The following MTFR1 variants were observed in gnomAD, a reference collection of about 807,000 sequenced individuals.
MTFR1 encodes the protein chondrocyte protein with a poly-proline region.
In MTFR1, 28 loss-of-function variants were observed where a neutral mutation model predicts 38.8. That is an observed-to-expected ratio of 0.72 (90% confidence interval 0.53 to 0.99). The LOEUF is 0.99. Among genes scored for constraint, MTFR1 ranks in the 50% least tolerant of loss-of-function variants. The pLI, the probability that MTFR1 is intolerant of heterozygous loss-of-function variation, is 0.00. For missense variants in MTFR1, 358 were observed against 395.5 expected (o/e 0.91, Z 0.81); for synonymous variants, 145 against 137.0 (o/e 1.06, Z -0.41).
In MTFR1 at chr8:65,731,852, C is replaced by A. The variant is rs565035886; in HGVS notation, c.*48+12371C>A. On this transcript the variant is annotated intron_variant, in intron 3 of 3. Transcript: ENST00000521247. Reference sequence around the variant, plus strand: ...TACTTAAGTCTATTTACTATTCCCTCTGTACTTGGACTTTCTTATGGCTGA... The same window carrying A: ...TACTTAAGTCTATTTACTATTCCCTATGTACTTGGACTTTCTTATGGCTGA... Among the ~76,000 whole-genome samples the A allele has an allele frequency of 3.9e-5, 6 of 152,270 alleles. No individual in the cohort carries two copies. In the East Asian group the frequency reaches 9.6e-4, roughly 24 times the overall value.
chr8:65,694,255 A>C (rs559289470), intron 4 of MTFR1, among the ~76,000 whole-genome samples: 223 of 151,810 alleles, frequency 1.5e-3, no homozygotes, highest in African/African-American at 5.2e-3. Flanking sequence ...TTGTATTTTT[A>C]GTAGAGATGG....
At chr8:65,719,066 A>G (rs1806265122) in intron 2 of MTFR1, 1 of 562,100 alleles carries the variant, frequency 1.8e-6, no homozygotes, top group East Asian at 2.9e-5. Flanking sequence ...TGCATATTCA[A>G]GGTTTCACAT....
At chr8:65,757,407 T>C (rs1808282774) in intron 3 of MTFR1, among the ~76,000 whole-genome samples, 1 of 152,160 alleles carries the variant, frequency 6.6e-6, no homozygotes, top group Admixed American at 6.5e-5. Context: ...ATATACATAA[T>C]TATTAATAAC....
At chr8:65,701,028 C>T (rs1301289227) in intron 4 of MTFR1, among the ~76,000 whole-genome samples, 1 of 152,172 alleles carries the variant, frequency 6.6e-6, no homozygotes, top group Non-Finnish European at 1.5e-5. Context: ...AGAGGAATGC[C>T]TACGTGACTA....
intron 1 of MTFR1, among the ~76,000 whole-genome samples, chr8:65,662,823 C>G (rs1438403649): frequency 1.3e-5 from 2 of 151,270 alleles, no homozygotes; most frequent in Admixed American, 6.6e-5. Context: ...GGGTCAGCCC[C>G]CCGCCCGGCC....
chr8:65,652,476 C>T (rs1809150130), intron 1 of MTFR1, among the ~76,000 whole-genome samples: 1 of 152,260 alleles, frequency 6.6e-6, no homozygotes, highest in African/African-American at 2.4e-5. Flanking sequence ...TCAAGTGATC[C>T]TCCTGCTTTG....
intron 1 of MTFR1, among the ~76,000 whole-genome samples, chr8:65,655,385 G>T (rs570025493): frequency 2.0e-5 from 3 of 152,196 alleles, no homozygotes; most frequent in Admixed American, 2.0e-4. Flanking sequence ...TGAGAGATGT[G>T]GTAGTATAGG....
At chr8:65,773,995 C>T (rs968184103), downstream of MTFR1, among the ~76,000 whole-genome samples, 6 of 152,136 alleles carry the variant, frequency 3.9e-5, no homozygotes, top group Middle Eastern at 3.2e-3. Flanking sequence ...CACAGCCAAT[C>T]CTTATTTATT....
At chr8:65,677,765 C>G (rs1804756919) in intron 2 of MTFR1, among the ~76,000 whole-genome samples, 1 of 151,532 alleles carries the variant, frequency 6.6e-6, no homozygotes, top group African/African-American at 2.4e-5. Context: ...CGCCTGTAAT[C>G]CCAGCACTTT....
At chr8:65,705,407 G>A (rs182570072) in intron 5 of MTFR1, among the ~76,000 whole-genome samples, 8 of 152,334 alleles carry the variant, frequency 5.3e-5, no homozygotes, top group Admixed American at 3.3e-4. Flanking sequence ...TTTAGATGGT[G>A]TTCATTTTGA....
rs369214644 is a variant in MTFR1 at position 65,724,274 on chromosome 8, C to T, written c.*48+4793C>T. ...ACTTGCCTTGATGGAAGAATTCCTCCGTTACTTTTTCACTCCACTGCTTGC... is the reference window on the plus strand; with the variant it reads ...ACTTGCCTTGATGGAAGAATTCCTCTGTTACTTTTTCACTCCACTGCTTGC... On this transcript the variant is annotated intron_variant, in intron 3 of 3. Coordinates refer to the MTFR1 transcript ENST00000521247. The T allele has an allele frequency of 5.6e-5, 90 of 1,610,270 alleles. 1 individual carries two copies. In the East Asian group the frequency reaches 1.0e-3, roughly 18 times the overall value.
chr8:65,650,771 C>T (rs1243884407), intron 1 of MTFR1, among the ~76,000 whole-genome samples: 1 of 152,172 alleles, frequency 6.6e-6, no homozygotes, highest in Non-Finnish European at 1.5e-5. Context: ...CATGGCACGG[C>T]AGATATTGCT....
At chr8:65,667,305 C>G (rs1585756946) in intron 1 of MTFR1, among the ~76,000 whole-genome samples, 1 of 149,234 alleles carries the variant, frequency 6.7e-6, no homozygotes, top group African/African-American at 2.4e-5. Flanking sequence ...TTAGAACTTT[C>G]CATCATGTTA....
At chr8:65,769,457 C>T (rs1377599291) in intron 3 of MTFR1, among the ~76,000 whole-genome samples, 1 of 152,134 alleles carries the variant, frequency 6.6e-6, no homozygotes, top group Non-Finnish European at 1.5e-5. Context: ...TACTTCTTGG[C>T]TAGAAGAATT....
chr8:65,680,458 C>T (rs1804846410), intron 2 of MTFR1, among the ~76,000 whole-genome samples: 1 of 152,132 alleles, frequency 6.6e-6, no homozygotes, highest in South Asian at 2.1e-4. Context: ...AGCTACTGTG[C>T]CCAGCCCTGA....
chr8:65,696,858 A>T (rs1805457423), intron 4 of MTFR1, among the ~76,000 whole-genome samples: 1 of 151,368 alleles, frequency 6.6e-6, no homozygotes. Context: ...ACGGGATTTC[A>T]CCATGTTGGC....
At chr8:65,739,542 C>A in intron 3 of MTFR1, 1 of 1,567,740 alleles carries the variant, frequency 6.4e-7, no homozygotes, top group Non-Finnish European at 8.6e-7. Flanking sequence ...AATGGAAGTA[C>A]TCAATTAATC....
intron 7 of MTFR1, 178 bp downstream of exon 7, chr8:65,708,189 G>C: frequency 1.6e-6 from 2 of 1,249,344 alleles, no homozygotes; most frequent in Middle Eastern, 1.9e-4. Flanking sequence ...TGACATCTTT[G>C]CTTAGCATTT....
intron 2 of MTFR1, among the ~76,000 whole-genome samples, chr8:65,675,463 G>T (rs1309261537): frequency 6.6e-6 from 1 of 151,744 alleles, no homozygotes; most frequent in African/African-American, 2.4e-5. Flanking sequence ...GCTGGGCGAG[G>T]TGGTGGGCAC....
Sources: gnomAD v4.1 joint callset for allele counts (sites outside exome capture counted in the v4.1 genomes callset) on GRCh38, gnomAD v4.1.1 for gene constraint, MANE v1.5 for transcripts, NCBI Gene and HGNC (gene_info 2026-07-23, HGNC 2026-07-21) for gene names.